Variants in CADPS observed in about 807,000 individuals in gnomAD.
CADPS encodes calcium dependent secretion activator, also known as calcium-dependent secretion activator 1.
A neutral mutation model predicts 167.3 loss-of-function variants in CADPS; 57 were observed. The ratio of observed to expected loss-of-function variants is 0.34; its 90% confidence interval spans 0.28 to 0.42. The LOEUF is 0.42. CADPS is among the 20% of genes least tolerant of loss of function. The probability of loss-of-function intolerance (pLI) is 1.00; values close to 1 mark genes in which losing one functional copy is unlikely to be tolerated. For synonymous variants in CADPS, 676 were observed against 635.3 expected (o/e 1.06, Z -0.96); for missense variants, 1,414 against 1,738.1 (o/e 0.81, Z 3.32).
At chr3:62,428,765 C>A (rs1453730486) in intron 28 of CADPS, among the ~76,000 whole-genome samples, 3 of 152,134 alleles carry the variant, frequency 2.0e-5, no homozygotes, top group Non-Finnish European at 4.4e-5. Flanking sequence ...TCGTGCAGAT[C>A]AGTGGTTCTC....
At chr3:62,594,247 C>T (rs1205768209) in intron 6 of CADPS, among the ~76,000 whole-genome samples, 129 of 149,316 alleles carry the variant, frequency 8.6e-4, no homozygotes, top group Admixed American at 3.4e-3. Context: ...CTGCAAGCTC[C>T]GCCTCCCGGG....
At chr3:62,714,456 T>C (rs1438129667) in intron 3 of CADPS, among the ~76,000 whole-genome samples, 1 of 152,062 alleles carries the variant, frequency 6.6e-6, no homozygotes, top group East Asian at 1.9e-4. Flanking sequence ...GCCAGAAAGA[T>C]CATGGGAAAG....
intron 1 of CADPS, among the ~76,000 whole-genome samples, chr3:62,860,102 T>C (rs938994503): frequency 3.3e-5 from 5 of 152,222 alleles, no homozygotes; most frequent in African/African-American, 2.4e-5. Flanking sequence ...GGCTTTTATA[T>C]GCTTTTTACT....
chr3:62,809,215 TA>T (rs932279629), intron 1 of CADPS, among the ~76,000 whole-genome samples: 1 of 151,596 alleles, frequency 6.6e-6, no homozygotes, highest in African/African-American at 2.4e-5. Flanking sequence ...TAGTGATCTT[TA>T]AAAAAAAATA....
rs1171045818 is a variant in CADPS, at chr3:62,492,303, A to G, written c.2871T>C (p.Phe957=). 1 of 1,614,018 alleles carries G rather than the reference A, an allele frequency of 6.2e-7. No homozygotes were observed. The highest frequency in any genetic ancestry group is 1.1e-5 in the South Asian group (1 of 91,072). Residue 957 remains phenylalanine (F), a synonymous_variant, in exon 20 of 30, where the codon TTT becomes TTC. Coordinates refer to ENST00000383710, the MANE Select transcript of CADPS (RefSeq NM_003716.4). ...SFPLFQLLND[F]LRTDYNLCNG... ...GGTAATACATACAGTCAGTACGGAG[A>G]AAATCATTCAGCAGCTGAAATAGTG...
chr3:62,771,298 C>A (rs1268761996), intron 1 of CADPS, among the ~76,000 whole-genome samples: 1 of 152,180 alleles, frequency 6.6e-6, no homozygotes, highest in Non-Finnish European at 1.5e-5. Context: ...AGTATCAAGG[C>A]ACAATCTTAG....
At chr3:62,620,493 G>A (rs2063011770) in intron 6 of CADPS, among the ~76,000 whole-genome samples, 1 of 152,162 alleles carries the variant, frequency 6.6e-6, no homozygotes, top group Non-Finnish European at 1.5e-5. Context: ...ACTAGGCACT[G>A]TATGAAACAC....
chr3:62,482,646 T>G (rs1181847528), intron 21 of CADPS, among the ~76,000 whole-genome samples: 1 of 152,220 alleles, frequency 6.6e-6, no homozygotes, highest in African/African-American at 2.4e-5. Flanking sequence ...ATTAGACTCT[T>G]TGACCAAAAG....
chr3:62,773,599 T>A (rs574437281), intron 1 of CADPS, among the ~76,000 whole-genome samples: 1 of 152,332 alleles, frequency 6.6e-6, no homozygotes, highest in Admixed American at 6.5e-5. Flanking sequence ...CCCCATGTAC[T>A]AACTGTACTA....
At chr3:62,665,328 G>C (rs1297146096) in intron 3 of CADPS, among the ~76,000 whole-genome samples, 1 of 152,108 alleles carries the variant, frequency 6.6e-6, no homozygotes, top group Admixed American at 6.5e-5. Flanking sequence ...AAAAATCACA[G>C]AGCAGTTTGG....
rs1466156864 is a variant in CADPS, at chr3:62,458,779, G to T, written c.3636+6588C>A. On this transcript the variant is annotated intron_variant, in intron 26 of 29. Transcript: ENST00000383710. The surrounding 1 kb of genome is among the most constrained non-coding windows in gnomAD (Gnocchi z 4.6). ...GCTGGGAAATACCCATATTCTTTAG[G>T]TATTTCTTTTGTAGCTAGCATTTCT... 6.6e-6 allele frequency among the ~76,000 whole-genome samples: 1 copy of T among 152,010 alleles called. No homozygotes were observed. The highest frequency in any genetic ancestry group is 2.4e-5 in the African/African-American group (1 of 41,366).
At chr3:62,643,860 T>C (rs2067952698) in intron 6 of CADPS, among the ~76,000 whole-genome samples, 1 of 152,100 alleles carries the variant, frequency 6.6e-6, no homozygotes. Context: ...CAGTATAACA[T>C]AAGAGCATGG....
chr3:62,714,395 T>C (rs957895873), intron 3 of CADPS, among the ~76,000 whole-genome samples: 1 of 152,196 alleles, frequency 6.6e-6, no homozygotes, highest in African/African-American at 2.4e-5. Flanking sequence ...AAGAATACTC[T>C]TCCCTTCCAC....
intron 6 of CADPS, among the ~76,000 whole-genome samples, chr3:62,644,810 A>G (rs1439240178): frequency 6.6e-6 from 1 of 152,228 alleles, no homozygotes; most frequent in Non-Finnish European, 1.5e-5. Context: ...CCTATTCTGC[A>G]TCTGTCCTCA....
intron 28 of CADPS, among the ~76,000 whole-genome samples, chr3:62,431,694 C>G (rs1367754391): frequency 6.6e-6 from 1 of 151,888 alleles, no homozygotes; most frequent in African/African-American, 2.4e-5. Flanking sequence ...CAACCTTGCC[C>G]TGCATCAAAT....
At chr3:62,667,878 CCT>C (rs897168152) in intron 3 of CADPS, among the ~76,000 whole-genome samples, 1 of 151,916 alleles carries the variant, frequency 6.6e-6, no homozygotes, top group African/African-American at 2.4e-5. Context: ...CTGGGAATGC[CCT>C]GTCTGACCTC....
Position 62,874,823 on chromosome 3 carries a change from C to T in CADPS, c.207G>A (p.Ala69=), listed in dbSNP as rs543179326. 8.1e-4 allele frequency: 853 copies of T among 1,059,400 alleles called. 6 individuals are homozygous for T. The African/African-American group carries it at 0.014, about 17-fold the overall frequency. 65.6% of individuals were successfully genotyped at this position (1,059,400 alleles called of 1,614,324 possible). ...VGAGGGGGSG[A]SSGGGAGGLQ... ...GCCCCCCGGCCCCGCCGCCGCTGCTCGCGCCGCTGCCCCCGCCGCCGCCTG... is the reference window on the plus strand; with the variant it reads ...GCCCCCCGGCCCCGCCGCCGCTGCTTGCGCCGCTGCCCCCGCCGCCGCCTG... The change falls in exon 1 of 30, where the codon GCG becomes GCA. Residue 69 remains alanine (A), a synonymous_variant. Coordinates refer to ENST00000383710, the MANE Select transcript of CADPS (RefSeq NM_003716.4). The surrounding 1 kb of genome is among the most constrained non-coding windows in gnomAD (Gnocchi z 7.1).
intron 3 of CADPS, among the ~76,000 whole-genome samples, chr3:62,735,371 T>G (rs2078781742): frequency 6.6e-6 from 1 of 151,946 alleles, no homozygotes; most frequent in Non-Finnish European, 1.5e-5. Context: ...AAGCAATAAA[T>G]GTTACTCTGC....
chr3:62,820,785 C>T (rs1187149738), intron 1 of CADPS, among the ~76,000 whole-genome samples: 1 of 76,874 alleles, frequency 1.3e-5, no homozygotes, highest in Non-Finnish European at 2.9e-5. Context: ...CTTTCTTCCT[C>T]TTTTTTTTGG....
Sources: allele counts gnomAD v4.1 joint callset (sites outside exome capture counted in the v4.1 genomes callset), GRCh38; gene constraint gnomAD v4.1.1; non-coding constraint Gnocchi (gnomAD v3.1); transcripts MANE v1.5; gene names NCBI Gene and HGNC (gene_info 2026-07-23, HGNC 2026-07-21).